LRRC51: variants seen among roughly 807,000 people sequenced by gnomAD.
The protein encoded by LRRC51 is leucine-rich repeat-containing protein 51.
LRRC51 carries 8 observed loss-of-function variants against 17.8 expected under a neutral mutation model. The ratio of observed to expected loss-of-function variants is 0.45; its 90% CI spans 0.26 to 0.81. The LOEUF is 0.81. LRRC51 is among the 30% of genes least tolerant of loss of function. The pLI, the probability that LRRC51 is intolerant of heterozygous loss-of-function variation, is 0.17. For missense variants in LRRC51, 233 were observed against 239.3 expected, an observed-to-expected ratio of 0.97 and a Z score of 0.17; for synonymous variants, 92 against 96.0, an observed-to-expected ratio of 0.96 and a Z score of 0.24.
chr11:72,095,591 C>T lies in LRRC51; in HGVS notation c.*71C>T, dbSNP rs1945149648. 1 of 1,571,224 alleles carries T rather than the reference C, an allele frequency of 6.4e-7. No individual in the cohort carries two copies. Among genetic ancestry groups the T allele is most frequent in the African/African-American group, 1.4e-5 (1 of 73,914 alleles). ...ATGGTTTGACAATAAATAATTTGAG[C>T]TGTTGAGCAGATGAGAAGTCACTTA... On this transcript the variant is annotated 3_prime_UTR_variant, in exon 6 of 6. Coordinates refer to ENST00000289488, the MANE Select transcript of LRRC51 (RefSeq NM_145309.6).
intron 3 of LRRC51, 196 bp downstream of exon 3, chr11:72,089,361 G>T: frequency 6.7e-7 from 1 of 1,485,364 alleles, no homozygotes; most frequent in South Asian, 1.2e-5. Context: ...ATTTTGCCCC[G>T]ATACAGCCCC....
At chr11:72,087,314 T>C (rs1944594761) in intron 1 of LRRC51, among the ~76,000 whole-genome samples, 2 of 76,612 alleles carry the variant, frequency 2.6e-5, no homozygotes, top group African/African-American at 9.4e-5. Context: ...TTTTTTTTTT[T>C]TCCTGAGACA....
intron 4 of LRRC51, among the ~76,000 whole-genome samples, chr11:72,094,006 C>T (rs2508860): frequency 0.073 from 11,158 of 152,180 alleles, 656 homozygotes; most frequent in East Asian, 0.15. Flanking sequence ...TGAAAACCAC[C>T]GGGCACAGCG....
chr11:72,093,955 C>T (rs1416471107), intron 4 of LRRC51, among the ~76,000 whole-genome samples: 1 of 152,140 alleles, frequency 6.6e-6, no homozygotes, highest in Non-Finnish European at 1.5e-5. Context: ...GGATAATATG[C>T]CAGTATCATA....
chr11:72,091,637 G>C (rs1381412570), intron 3 of LRRC51, among the ~76,000 whole-genome samples: 1 of 152,220 alleles, frequency 6.6e-6, no homozygotes, highest in Non-Finnish European at 1.5e-5. Flanking sequence ...AAAAGTGGGA[G>C]TGAGGCTTTG....
chr11:72,091,355 G>C (rs182135280), intron 3 of LRRC51, among the ~76,000 whole-genome samples: 2 of 152,110 alleles, frequency 1.3e-5, no homozygotes, highest in Non-Finnish European at 2.9e-5. Flanking sequence ...GCTGGGGTAC[G>C]CCGTTCCAGT....
At chr11:72,094,885 C>T in intron 4 of LRRC51, 63 bp from the exon 5 acceptor site, 1 of 1,614,118 alleles carries the variant, frequency 6.2e-7, no homozygotes, top group Non-Finnish European at 8.5e-7. Flanking sequence ...CACGAGTCAG[C>T]CCTGAGCAGA....
At position 72,089,040 on chromosome 11, in the gene LRRC51, A is replaced by G; in HGVS notation, c.-44A>G. On this transcript the variant is annotated 5_prime_UTR_variant, in exon 3 of 6. Coordinates refer to ENST00000289488, the MANE Select transcript of LRRC51 (RefSeq NM_145309.6). ...CTCTGTCCTCCCAGGCTGAACCCAG[A>G]CTCCCAGGGCACCTGCTTGCACCTT... 1 of 1,612,156 alleles carries G rather than the reference A, an allele frequency of 6.2e-7. No individual in the cohort carries two copies. Among genetic ancestry groups the G allele is most frequent in the Non-Finnish European group, 8.5e-7 (1 of 1,179,794 alleles).
At chr11:72,089,472 C>T in intron 3 of LRRC51, 3 of 1,313,194 alleles carry the variant, frequency 2.3e-6, no homozygotes, top group South Asian at 2.6e-5. Flanking sequence ...TTAAAAGAAG[C>T]CAGGCTACAG....
rs184780262 is a variant in LRRC51 at position 72,092,511 on chromosome 11, C to T, written c.83-985C>T. Reference sequence around the variant, plus strand: ...CTAAAATCCATATTCCACACTGACACTTAAGAGTGATCTTTCTGAAATAAA... The same window carrying T: ...CTAAAATCCATATTCCACACTGACATTTAAGAGTGATCTTTCTGAAATAAA... On this transcript the variant is annotated intron_variant, in intron 3 of 5. Transcript: ENST00000289488. Among the ~76,000 whole-genome samples, 316 of 152,366 alleles carry T rather than the reference C, an allele frequency of 2.1e-3. 1 individual carries two copies. Among genetic ancestry groups the T allele is most frequent in the African/African-American group, 7.3e-3 (303 of 41,588 alleles).
At chr11:72,090,070 G>A (rs923340893) in intron 3 of LRRC51, among the ~76,000 whole-genome samples, 4 of 152,190 alleles carry the variant, frequency 2.6e-5, no homozygotes, top group Non-Finnish European at 5.9e-5. Context: ...CGGGAAGCTG[G>A]CAAATAGCAC....
intron 1 of LRRC51, chr11:72,083,798 A>G (rs1944375747): frequency 6.6e-6 from 1 of 152,224 alleles, no homozygotes; most frequent in African/African-American, 2.4e-5. Context: ...CAGAGCTGGA[A>G]GGAGACACTG....
chr11:72,093,356 C>G, intron 3 of LRRC51, 140 bp from the exon 4 acceptor site: 1 of 793,702 alleles, frequency 1.3e-6, no homozygotes, highest in Non-Finnish European at 2.2e-6. Context: ...CAGGGTTGCA[C>G]TAGACTCAGG....
At chr11:72,094,502 AAG>A in intron 4 of LRRC51, 1 of 587,368 alleles carries the variant, frequency 1.7e-6, no homozygotes, top group Non-Finnish European at 3.0e-6. Context: ...CAAGATCCCT[AAG>A]AGGGGAAAGG....
intron 1 of LRRC51, chr11:72,086,173 G>C (rs750366554): frequency 5.6e-5 from 29 of 516,620 alleles, no homozygotes; most frequent in Non-Finnish European, 9.3e-5. Flanking sequence ...GAAAAGAAAG[G>C]CTTTATAGAA....
rs1945236368 is a variant in LRRC51 at position 72,096,818 on chromosome 11, A to G, written c.*1298A>G. On this transcript the variant is annotated 3_prime_UTR_variant, in exon 6 of 6. Transcript: ENST00000289488. ...AACCAGCCCCCACTTCAATCAGATC[A>G]AAGTAATTCCATTCTGTTTTATATG... 1.4e-5 allele frequency: 19 copies of G among 1,323,522 alleles called. No individual in the cohort carries two copies. Among genetic ancestry groups the G allele is most frequent in the East Asian group, 2.9e-5 (1 of 33,976 alleles). The allele number at this position is 1,323,522 out of a possible 1,614,324, so 82.0% of individuals were successfully genotyped here. A position where few individuals can be genotyped will look rare whatever the true frequency, so the allele number is the denominator to read the frequency against.
At position 72,093,642 on chromosome 11, in the gene LRRC51, C is replaced by A. The variant is rs1944991922; in HGVS notation, c.229C>A (p.His77Asn). Residue 77 changes from histidine (H) to asparagine (N), a missense_variant, in exon 4 of 6, where the codon CAC becomes AAC. By Grantham distance (68) the His-to-Asn change is moderately conservative (BLOSUM62 1). Transcript: ENST00000289488. ...CCAGGTGGCTTCACAGCTGTTGGAG[C>A]ACCCAGAGAACCTGGCCTGGATCGA... is the stretch of plus-strand genomic sequence containing the variant. ...FNQVASQLLE[H>N]PENLAWIDLS... 5 of 1,614,108 alleles carry A rather than the reference C, an allele frequency of 3.1e-6. No homozygotes were observed. In the South Asian group the frequency reaches 5.5e-5, roughly 18 times the overall value.
chr11:72,096,380 A>G lies in LRRC51; in HGVS notation c.*860A>G. The G allele has an allele frequency of 7.2e-6, 2 of 279,006 alleles. No homozygotes were observed. Among genetic ancestry groups the G allele is most frequent in the Non-Finnish European group, 1.1e-5 (2 of 179,358 alleles). The allele number at this position is 279,006 out of a possible 1,614,324, so 17.3% of individuals were successfully genotyped here. ...GGCCTCCCAAAGTGCTGGGATTAGA[A>G]GCGTGAGCCACCACGCCCAGCCTTT... On this transcript the variant is annotated 3_prime_UTR_variant, in exon 6 of 6. Transcript: ENST00000289488.
At chr11:72,083,869 A>G (rs556038626) in intron 1 of LRRC51, 21 of 152,380 alleles carry the variant, frequency 1.4e-4, no homozygotes, top group African/African-American at 4.6e-4. Context: ...GCATTTGGCT[A>G]GACTGCAGAA....
Sources: allele counts gnomAD v4.1 joint callset (sites outside exome capture counted in the v4.1 genomes callset), GRCh38; gene constraint gnomAD v4.1.1; transcripts MANE v1.5; gene names NCBI Gene and HGNC (gene_info 2026-07-23, HGNC 2026-07-21).